The following CDH23 variants were observed in gnomAD, a reference collection of about 807,000 sequenced individuals.
The protein encoded by CDH23 is cadherin-23.
A neutral mutation model predicts 317.1 loss-of-function variants in CDH23; 189 were observed. The observed-to-expected ratio is 0.60, with a 90% CI of 0.53 to 0.67. The LOEUF is 0.67. CDH23 is among the 30% of genes least tolerant of loss of function. CDH23 has a pLI of 0.00. For synonymous variants in CDH23, 1,839 were observed against 1,876.8 expected (o/e 0.98, Z 0.52); for missense variants, 4,401 against 4,592.4 (o/e 0.96, Z 1.20).
In CDH23 at chr10:71,720,126, G is replaced by A. The variant is rs1866484809; in HGVS notation, c.3370-3919G>A. ...TGCCTGCCAGCCACCAGGTTACCCT[G>A]GAGAGGGGCTACAAGCCATGGCAGG... On this transcript the variant is annotated intron_variant, in intron 28 of 69. Transcript: ENST00000224721. Among the ~76,000 whole-genome samples, 3 of 152,218 alleles carry A rather than the reference G, an allele frequency of 2.0e-5. No individual in the cohort carries two copies. The South Asian group carries it at 6.2e-4, about 31-fold the overall frequency.
rs1400660846 is a variant in CDH23 at position 71,510,167 on chromosome 10, C to T, written c.231C>T (p.Phe77=). 2 of 1,613,910 alleles carry T rather than the reference C, an allele frequency of 1.2e-6. No homozygotes were observed. The highest frequency in any genetic ancestry group is 1.7e-6 in the Non-Finnish European group (2 of 1,179,908). The part of the protein sequence containing the change: ...FGVSGEEASR[F]FAVEPDTGVV... Reference sequence around the variant, plus strand: ...TGTCTGGGGAGGAGGCCTCTCGCTTCTTTGCAGTGGAGCCTGACACTGGCG... The same window carrying T: ...TGTCTGGGGAGGAGGCCTCTCGCTTTTTTGCAGTGGAGCCTGACACTGGCG... Residue 77 remains phenylalanine (F), a synonymous_variant, in exon 4 of 70, where the codon TTC becomes TTT. Coordinates refer to ENST00000224721, the MANE Select transcript of CDH23 (RefSeq NM_022124.6).
At chr10:71,413,492 A>C (rs2131926841) in intron 1 of CDH23, among the ~76,000 whole-genome samples, 1 of 152,264 alleles carries the variant, frequency 6.6e-6, no homozygotes, top group African/African-American at 2.4e-5. Flanking sequence ...AAAATCTTAG[A>C]ATGGGTTTTT....
intron 38 of CDH23, chr10:71,773,365 C>A: frequency 6.2e-7 from 1 of 1,607,958 alleles, no homozygotes; most frequent in South Asian, 1.1e-5. Context: ...TACCTAGGGA[C>A]GCAGCCAGGA....
At chr10:71,578,821 T>C (rs994585779) in intron 9 of CDH23, among the ~76,000 whole-genome samples, 2 of 152,186 alleles carry the variant, frequency 1.3e-5, no homozygotes. Flanking sequence ...CGAAAGGACA[T>C]CTGGCCACCA....
chr10:71,730,653 T>G, intron 31 of CDH23, 49 bp downstream of exon 31: 3 of 1,607,548 alleles, frequency 1.9e-6, no homozygotes, highest in Non-Finnish European at 1.7e-6. Flanking sequence ...AGAGCAAACC[T>G]CCCCAGCTCA....
chr10:71,577,740 G>A (rs1858315649), intron 8 of CDH23, among the ~76,000 whole-genome samples, 174 bp from the exon 9 acceptor site: 1 of 152,192 alleles, frequency 6.6e-6, no homozygotes, highest in South Asian at 2.1e-4. Context: ...TGTTTGCCTG[G>A]GAACTGCAGT....
At chr10:71,791,406 A>T in intron 47 of CDH23, 71 bp downstream of exon 47, 3 of 1,373,458 alleles carry the variant, frequency 2.2e-6, no homozygotes, top group Non-Finnish European at 3.0e-6. Flanking sequence ...CTGGAGCCTC[A>T]GGTTGGACAC....
intron 28 of CDH23, chr10:71,713,426 T>A (rs914940741): frequency 6.4e-5 from 39 of 609,170 alleles, no homozygotes; most frequent in Non-Finnish European, 1.1e-4. Flanking sequence ...GGTTTCCGAC[T>A]CGGAGGCTGA....
chr10:71,622,641 G>A (rs1861522159), intron 11 of CDH23, among the ~76,000 whole-genome samples: 1 of 152,190 alleles, frequency 6.6e-6, no homozygotes. Context: ...GACCCAGATA[G>A]CTGAAAACTG....
chr10:71,526,456 G>A (rs1402982314), intron 6 of CDH23, among the ~76,000 whole-genome samples: 6 of 152,218 alleles, frequency 3.9e-5, no homozygotes, highest in African/African-American at 1.4e-4. Context: ...CCCAAAAGAT[G>A]GAAAAGGGCT....
chr10:71,455,772 A>G (rs1408902687), intron 3 of CDH23, among the ~76,000 whole-genome samples: 1 of 152,078 alleles, frequency 6.6e-6, no homozygotes, highest in Non-Finnish European at 1.5e-5. Context: ...CTGTGCATTC[A>G]CTCCTATATT....
intron 3 of CDH23, among the ~76,000 whole-genome samples, chr10:71,484,935 G>C (rs963176280): frequency 6.6e-6 from 1 of 151,844 alleles, no homozygotes; most frequent in Non-Finnish European, 1.5e-5. Flanking sequence ...TCATTTAGGA[G>C]TGTATTGGCT....
At chr10:71,458,129 T>A (rs1850789580) in intron 3 of CDH23, among the ~76,000 whole-genome samples, 1 of 152,232 alleles carries the variant, frequency 6.6e-6, no homozygotes, top group Non-Finnish European at 1.5e-5. Context: ...TTTGAACTTG[T>A]CATCACTCCC....
intron 6 of CDH23, among the ~76,000 whole-genome samples, chr10:71,517,560 G>GC (rs537707731): frequency 2.8e-4 from 43 of 152,212 alleles, no homozygotes; most frequent in South Asian, 4.2e-4. Flanking sequence ...CGAGAAGCTG[G>GC]GGGGGAGATG....
intron 3 of CDH23, among the ~76,000 whole-genome samples, chr10:71,495,208 C>T (rs542900139): frequency 1.3e-5 from 2 of 152,194 alleles, no homozygotes; most frequent in Non-Finnish European, 2.9e-5. Context: ...ATATCATTCT[C>T]AACGTGATGT....
intron 28 of CDH23, among the ~76,000 whole-genome samples, chr10:71,723,656 G>T (rs975234872): frequency 3.3e-5 from 5 of 152,170 alleles, no homozygotes; most frequent in Admixed American, 3.3e-4. Context: ...TAGCCATGCA[G>T]TTCAGCCACC....
intron 12 of CDH23, among the ~76,000 whole-genome samples, chr10:71,644,177 G>T (rs1201787695): frequency 6.6e-6 from 1 of 152,250 alleles, no homozygotes; most frequent in East Asian, 1.9e-4. Context: ...GAGGAGCCTT[G>T]CCCCCACATC....
chr10:71,613,359 A>C (rs7917119), intron 9 of CDH23, among the ~76,000 whole-genome samples: 299 of 152,330 alleles, frequency 2.0e-3, no homozygotes, highest in African/African-American at 6.9e-3. Context: ...AGGAGTCTCC[A>C]TGGCTGGGAA....
intron 1 of CDH23, among the ~76,000 whole-genome samples, chr10:71,433,938 G>T (rs565206029): frequency 6.8e-4 from 103 of 151,652 alleles, no homozygotes; most frequent in Non-Finnish European, 9.4e-4. Flanking sequence ...CAGCCAGGGT[G>T]CTTCTTGAAA....
Sources: gnomAD v4.1 joint callset for allele counts (sites outside exome capture counted in the v4.1 genomes callset) on GRCh38, gnomAD v4.1.1 for gene constraint, MANE v1.5 for transcripts, NCBI Gene and HGNC (gene_info 2026-07-23, HGNC 2026-07-21) for gene names.